ISM1: variants seen among roughly 807,000 people sequenced by gnomAD.
The protein encoded by ISM1 is isthmin-1.
A neutral mutation model predicts 46.3 loss-of-function variants in ISM1; 25 were observed. The ratio of observed to expected loss-of-function variants is 0.54; its 90% CI spans 0.39 to 0.75. The LOEUF (loss-of-function observed/expected upper bound fraction) is 0.75, where lower values mean the gene tolerates loss of function less well. Among genes scored for constraint, ISM1 ranks in the 30% least tolerant of loss-of-function variants. The pLI, the probability that ISM1 is intolerant of heterozygous loss-of-function variation, is 0.00. For synonymous variants in ISM1, 255 were observed against 256.7 expected, an observed-to-expected ratio of 0.99 and a Z score of 0.06; for missense variants, 536 against 625.4, an observed-to-expected ratio of 0.86 and a Z score of 1.52.
At chr20:13,308,933 AC>A in the ISM1 span, among the ~76,000 whole-genome samples, 2 of 152,016 alleles carry the variant, frequency 1.3e-5, no homozygotes, top group African/African-American at 4.8e-5. Flanking sequence ...CAGTCTATAA[AC>A]CAGAAGAGGA....
At chr20:13,321,443 G>T in the ISM1 span, among the ~76,000 whole-genome samples, 1 of 152,030 alleles carries the variant, frequency 6.6e-6, no homozygotes, top group Non-Finnish European at 1.5e-5. Context: ...GGGGATTGTC[G>T]CTTGGATCCA....
chr20:13,245,667 A>G (rs1415004635), intron 1 of ISM1, among the ~76,000 whole-genome samples: 1 of 152,146 alleles, frequency 6.6e-6, no homozygotes, highest in Non-Finnish European at 1.5e-5. Flanking sequence ...TTACTTTTCC[A>G]GATTTCCTTA....
chr20:13,324,104 C>T, the ISM1 span, among the ~76,000 whole-genome samples: 6 of 152,198 alleles, frequency 3.9e-5, no homozygotes. Context: ...TAAAAACATA[C>T]TGTAACTTTC....
At position 13,270,699 on chromosome 20, in the gene ISM1, G is replaced by T; in HGVS notation, c.334G>T (p.Asp112Tyr). 1 of 1,613,904 alleles carries T rather than the reference G, an allele frequency of 6.2e-7. No individual in the cohort carries two copies. The highest frequency in any genetic ancestry group is 8.5e-7 in the Non-Finnish European group (1 of 1,179,866). The change falls in exon 2 of 6, where the codon GAT (aspartate) becomes TAT (tyrosine). Residue 112 changes from aspartate to tyrosine, a missense_variant. Transcript: ENST00000262487. ...TCTCCTTGATCTACCAAACTTTCCA[G>T]ATCTTTCCAAAGCTGATATCAATGG... Reference protein sequence around the residue: ...SFLLDLPNFPDLSKADINGQN... With the variant: ...SFLLDLPNFPYLSKADINGQN...
At chr20:13,301,588 T>G (rs577349586), downstream of ISM1, among the ~76,000 whole-genome samples, 1 of 152,336 alleles carries the variant, frequency 6.6e-6, no homozygotes, top group Non-Finnish European at 1.5e-5. Flanking sequence ...ATGAGAAGAC[T>G]TATTCACATC....
Position 13,299,848 on chromosome 20 carries a change from C to G in ISM1, c.*389C>G, listed in dbSNP as rs1394051085. The G allele has an allele frequency of 5.9e-6, 1 of 170,544 alleles. No individual in the cohort carries two copies. The highest frequency in any genetic ancestry group is 2.4e-5 in the African/African-American group (1 of 42,108). The allele number at this position is 170,544 out of a possible 1,614,324, so 10.6% of individuals were successfully genotyped here. On this transcript the variant is annotated 3_prime_UTR_variant, in exon 6 of 6. Coordinates refer to ENST00000262487, the MANE Select transcript of ISM1 (RefSeq NM_080826.2). This position sits in a 1 kb window ranked among gnomAD's most constrained non-coding sequence, Gnocchi z 5.8. The stretch of plus-strand genomic sequence containing the variant: ...CGTTATAAGCAGTTTTTATATATAA[C>G]TTATTTAATACAAATGTGACTTAAT...
intron 1 of ISM1, among the ~76,000 whole-genome samples, chr20:13,250,083 C>A (rs76722054): frequency 0.03 from 4,590 of 152,212 alleles, 182 homozygotes; most frequent in East Asian, 0.18. Context: ...TGCATGTTCT[C>A]TTTTTCTACC....
intron 1 of ISM1, among the ~76,000 whole-genome samples, chr20:13,263,055 G>A (rs1433345834): frequency 4.6e-5 from 7 of 152,092 alleles, no homozygotes; most frequent in Non-Finnish European, 7.4e-5. Flanking sequence ...CAGGGCTGTC[G>A]TCAGAGTGCC....
chr20:13,234,987 C>T (rs2039631838), intron 1 of ISM1, among the ~76,000 whole-genome samples: 1 of 152,324 alleles, frequency 6.6e-6, no homozygotes, highest in African/African-American at 2.4e-5. Flanking sequence ...GGTCTACATG[C>T]ATGTTTTTCT....
chr20:13,312,371 T>A, the ISM1 span, among the ~76,000 whole-genome samples: 1 of 152,138 alleles, frequency 6.6e-6, no homozygotes, highest in Non-Finnish European at 1.5e-5. Flanking sequence ...ACATCCTTAC[T>A]CACTCACTCA....
rs767847662 is a variant in ISM1 at position 13,279,897 on chromosome 20, T to A, written c.642T>A (p.Tyr214Ter). 1 of 1,613,702 alleles carries A rather than the reference T, an allele frequency of 6.2e-7. No individual in the cohort carries two copies. The highest frequency in any genetic ancestry group is 8.5e-7 in the Non-Finnish European group (1 of 1,179,756). The part of the protein sequence containing the change: ...RTFETKDQPE[Y>*]DSTDGEGDWS... ...TTGAAACCAAAGATCAGCCAGAATATGGTGAGTTTACCACCTAGTAATATA... is the reference window on the plus strand; with the variant it reads ...TTGAAACCAAAGATCAGCCAGAATAAGGTGAGTTTACCACCTAGTAATATA... Residue 214 changes from tyrosine (Y) to a stop codon, truncating the protein, a stop_gained and splice_region_variant, in exon 3 of 6, where the codon TAT becomes TAA. Transcript: ENST00000262487. LOFTEE classifies it high-confidence loss of function.
chr20:13,270,163 T>G (rs915624103), intron 1 of ISM1, among the ~76,000 whole-genome samples: 1 of 152,218 alleles, frequency 6.6e-6, no homozygotes, highest in Non-Finnish European at 1.5e-5. Flanking sequence ...CAGTTGAAGC[T>G]GTGAGAAGAG....
chr20:13,265,706 T>C lies in ISM1; in HGVS notation c.139-4798T>C, dbSNP rs142004709. On this transcript the variant is annotated intron_variant, in intron 1 of 5. Coordinates refer to ENST00000262487, the MANE Select transcript of ISM1 (RefSeq NM_080826.2). ...GGTTGGTGCAAAAGTAATGGCGGTT[T>C]TTGCCATTACTTTCAATGGCAAAAC... Among the ~76,000 whole-genome samples the C allele has an allele frequency of 4.7e-3, 714 of 152,304 alleles. 7 individuals are homozygous for C. Among genetic ancestry groups the C allele is most frequent in the Middle Eastern group, 0.017 (5 of 294 alleles).
intron 1 of ISM1, among the ~76,000 whole-genome samples, chr20:13,237,564 A>G (rs985497106): frequency 2.0e-5 from 3 of 152,186 alleles, no homozygotes; most frequent in Non-Finnish European, 4.4e-5. Context: ...GGAAGTGATG[A>G]AAAGGGAGTC....
chr20:13,325,092 G>A, the ISM1 span, among the ~76,000 whole-genome samples: 2 of 152,186 alleles, frequency 1.3e-5, no homozygotes, highest in South Asian at 4.1e-4. Flanking sequence ...GGAGCTCCTG[G>A]ATGCAAGGAA....
chr20:13,248,372 T>A (rs1330800346), intron 1 of ISM1, among the ~76,000 whole-genome samples: 1 of 152,176 alleles, frequency 6.6e-6, no homozygotes, highest in Admixed American at 6.5e-5. Context: ...AAATTTGATA[T>A]TCTTTTGAAA....
At chr20:13,250,728 T>C (rs542899416) in intron 1 of ISM1, among the ~76,000 whole-genome samples, 124 of 152,296 alleles carry the variant, frequency 8.1e-4, no homozygotes, top group African/African-American at 2.9e-3. Context: ...ATTTCCAGTC[T>C]TTGGAACGGA....
At chr20:13,267,588 G>T (rs1361714350) in intron 1 of ISM1, among the ~76,000 whole-genome samples, 1 of 152,266 alleles carries the variant, frequency 6.6e-6, no homozygotes. Context: ...TAAGGGGTTT[G>T]CTTGGTCTGG....
At chr20:13,256,467 C>G (rs1343869416) in intron 1 of ISM1, among the ~76,000 whole-genome samples, 1 of 151,636 alleles carries the variant, frequency 6.6e-6, no homozygotes, top group Non-Finnish European at 1.5e-5. Flanking sequence ...ATCCCAAAAC[C>G]CATCTTGTGC....
Sources: gnomAD v4.1 joint callset for allele counts (sites outside exome capture counted in the v4.1 genomes callset) on GRCh38, gnomAD v4.1.1 for gene constraint, Gnocchi (gnomAD v3.1) non-coding constraint, MANE v1.5 for transcripts, NCBI Gene and HGNC (gene_info 2026-07-23, HGNC 2026-07-21) for gene names.